Variants in CCSER2 observed in about 807,000 individuals in gnomAD.
The protein encoded by CCSER2 is coiled-coil serine rich protein 2.
Under a neutral mutation model 92.3 loss-of-function variants are expected in CCSER2, and 46 were observed. That is an observed-to-expected ratio of 0.50 (90% CI 0.39 to 0.64). CCSER2 has a LOEUF of 0.64. Among genes scored for constraint, CCSER2 ranks in the 30% least tolerant of loss-of-function variants. CCSER2 has a pLI of 0.00. For synonymous variants in CCSER2, 433 were observed against 431.4 expected (o/e 1.00, Z -0.04); for missense variants, 1,244 against 1,238.9 (o/e 1.00, Z -0.06).
At chr10:84,409,254 G>A (rs557482344) in intron 3 of CCSER2, among the ~76,000 whole-genome samples, 14 of 152,200 alleles carry the variant, frequency 9.2e-5, no homozygotes, top group Non-Finnish European at 1.6e-4. Flanking sequence ...GCCTCTCAAA[G>A]TGCTGGGATT....
At chr10:84,502,465 G>A (rs553205981) in intron 9 of CCSER2, among the ~76,000 whole-genome samples, 12 of 148,582 alleles carry the variant, frequency 8.1e-5, no homozygotes, top group Middle Eastern at 3.7e-3. Flanking sequence ...TCCGCCTCCC[G>A]GGTTCACGCC....
chr10:84,486,028 A>G (rs1171708304), intron 9 of CCSER2, among the ~76,000 whole-genome samples: 4 of 152,304 alleles, frequency 2.6e-5, no homozygotes, highest in African/African-American at 7.2e-5. Flanking sequence ...TTTGCTGAGA[A>G]TGATGGTTTC....
intron 1 of CCSER2, among the ~76,000 whole-genome samples, chr10:84,334,723 GAC>G (rs890547052): frequency 1.3e-4 from 19 of 151,808 alleles, no homozygotes; most frequent in Non-Finnish European, 1.5e-4. Context: ...AGCTACGTAA[GAC>G]AGGGGCTTGT....
In CCSER2 at chr10:84,371,089, T is replaced by C; in HGVS notation, c.37T>C (p.Ser13Pro). The C allele has an allele frequency of 6.2e-7, 1 of 1,601,660 alleles. No homozygotes were observed. Among genetic ancestry groups the C allele is most frequent in the African/African-American group, 1.3e-5 (1 of 74,364 alleles). ...EKTQIKTFLG[S>P]KLPKYGTKSV... ...AACACAAATCAAGACATTTTTGGGT[T>C]CCAAGTTGCCAAAGTATGGAACAAA... Residue 13 changes from serine to proline, a missense_variant, in exon 2 of 10, where the codon TCC (serine) becomes CCC (proline). Ser to Pro is a moderately conservative substitution (Grantham distance 74). Coordinates refer to ENST00000372088, the MANE Select transcript of CCSER2 (RefSeq NM_001284240.2).
At chr10:84,388,756 A>G (rs1841360416) in intron 3 of CCSER2, among the ~76,000 whole-genome samples, 1 of 152,140 alleles carries the variant, frequency 6.6e-6, no homozygotes, top group African/African-American at 2.4e-5. Context: ...AGATTCTCAT[A>G]AGGTGTGTGC....
At chr10:84,375,784 G>A (rs891540089) in intron 3 of CCSER2, among the ~76,000 whole-genome samples, 3 of 145,514 alleles carry the variant, frequency 2.1e-5, no homozygotes, top group Admixed American at 6.8e-5. Flanking sequence ...TGTTTGTATT[G>A]TTATACTTGG....
chr10:84,358,822 C>T (rs1405814746), intron 1 of CCSER2, among the ~76,000 whole-genome samples: 1 of 152,056 alleles, frequency 6.6e-6, no homozygotes, highest in East Asian at 1.9e-4. Context: ...GTTTTAAGTT[C>T]TGAAAGGCTG....
intron 1 of CCSER2, among the ~76,000 whole-genome samples, chr10:84,358,700 G>T (rs1446854209): frequency 1.3e-5 from 2 of 148,860 alleles, no homozygotes. Flanking sequence ...ACACACACGT[G>T]TATATATATA....
intron 3 of CCSER2, among the ~76,000 whole-genome samples, chr10:84,402,015 T>G (rs574096702): frequency 6.6e-6 from 1 of 152,312 alleles, no homozygotes; most frequent in South Asian, 2.1e-4. Flanking sequence ...CTAATGAACT[T>G]AAAGTGACCA....
chr10:84,451,658 G>A (rs987683213), intron 6 of CCSER2, among the ~76,000 whole-genome samples: 2 of 152,046 alleles, frequency 1.3e-5, no homozygotes, highest in Non-Finnish European at 2.9e-5. Context: ...ATGTACAGAC[G>A]TAACAGATAT....
intron 3 of CCSER2, among the ~76,000 whole-genome samples, chr10:84,375,192 A>G (rs572370315): frequency 6.6e-6 from 1 of 152,312 alleles, no homozygotes; most frequent in Admixed American, 6.5e-5. Context: ...AACTAATCAC[A>G]AAATAGCTTT....
rs1849524742 is a variant in CCSER2 at position 84,514,382 on chromosome 10, CTTAAA to C, written c.*121_*125del. 2 of 739,252 alleles carry C rather than the reference CTTAAA, an allele frequency of 2.7e-6. No individual in the cohort carries two copies. The highest frequency in any genetic ancestry group is 2.0e-5 in the South Asian group (1 of 50,140). 45.8% of individuals were successfully genotyped at this position (739,252 alleles called of 1,614,324 possible). Reference sequence around the variant, plus strand: ...GAGGTTCCATTGAAAGCCTGCAAATCTTAAATTAAAATGTGGAAGCTTCTACTAGT... The same window carrying C: ...GAGGTTCCATTGAAAGCCTGCAAATCTTAAAATGTGGAAGCTTCTACTAGT... On this transcript the variant is annotated 3_prime_UTR_variant, in exon 10 of 10. Transcript: ENST00000372088.
At chr10:84,492,327 G>A (rs756366092) in intron 9 of CCSER2, among the ~76,000 whole-genome samples, 25 of 151,508 alleles carry the variant, frequency 1.7e-4, no homozygotes, top group Non-Finnish European at 3.2e-4. Context: ...TATTGACCTT[G>A]TATTTTGTGA....
At chr10:84,438,336 A>G (rs573175015) in intron 5 of CCSER2, among the ~76,000 whole-genome samples, 176 bp from the exon 6 acceptor site, 12 of 152,378 alleles carry the variant, frequency 7.9e-5, no homozygotes, top group Admixed American at 7.8e-4. Context: ...TTAATAAACT[A>G]CAGCTGATTG....
At chr10:84,339,644 T>G (rs1844061168) in intron 1 of CCSER2, among the ~76,000 whole-genome samples, 1 of 150,948 alleles carries the variant, frequency 6.6e-6, no homozygotes, top group Non-Finnish European at 1.5e-5. Flanking sequence ...CCTGGCTGGT[T>G]TTGTATTTTT....
intron 1 of CCSER2, among the ~76,000 whole-genome samples, chr10:84,350,336 T>G (rs1317781904): frequency 6.6e-6 from 1 of 152,212 alleles, no homozygotes; most frequent in Non-Finnish European, 1.5e-5. Context: ...CCTAAAGCAT[T>G]TCGTTTTCCT....
intron 9 of CCSER2, among the ~76,000 whole-genome samples, chr10:84,492,111 C>G (rs1278906051): frequency 6.6e-6 from 1 of 152,002 alleles, no homozygotes; most frequent in Non-Finnish European, 1.5e-5. Context: ...AACTCTGTCT[C>G]TACTAAAAAT....
intron 5 of CCSER2, among the ~76,000 whole-genome samples, chr10:84,428,686 T>C (rs367895627): frequency 7.4e-6 from 1 of 135,128 alleles, no homozygotes; most frequent in African/African-American, 2.5e-5. Context: ...GTTTCTGATA[T>C]GGGGGGAAAA....
intron 9 of CCSER2, chr10:84,507,479 T>TAAAAAA (rs1354088887): frequency 1.2e-5 from 2 of 165,602 alleles, no homozygotes; most frequent in African/African-American, 2.4e-5. Flanking sequence ...TTCCTTTTTA[T>TAAAAAA]GGTTAAAATG....
Sources: allele counts gnomAD v4.1 joint callset (sites outside exome capture counted in the v4.1 genomes callset), GRCh38; gene constraint gnomAD v4.1.1; transcripts MANE v1.5; gene names NCBI Gene and HGNC (gene_info 2026-07-23, HGNC 2026-07-21).